SMG5: variants seen among roughly 807,000 people sequenced by gnomAD.
SMG5 encodes the protein nonsense-mediated mRNA decay factor SMG5.
A neutral mutation model predicts 122.9 loss-of-function variants in SMG5; 53 were observed. The ratio of observed to expected loss-of-function variants is 0.43; its 90% CI spans 0.35 to 0.54. The LOEUF is 0.54. Ranked by LOEUF, SMG5 falls within the 20% of genes least tolerant of loss-of-function variation. The probability of loss-of-function intolerance (pLI) is 0.01; values close to 1 mark genes in which losing one functional copy is unlikely to be tolerated. For missense variants in SMG5, 1,153 were observed against 1,285.6 expected (o/e 0.90, Z 1.58); for synonymous variants, 477 against 490.2 (o/e 0.97, Z 0.35).
At chr1:156,270,788 ACC>A in intron 7 of SMG5, among the ~76,000 whole-genome samples, 1 of 152,202 alleles carries the variant, frequency 6.6e-6, no homozygotes, top group African/African-American at 2.4e-5. Flanking sequence ...CAGGCGGATC[ACC>A]TGAGGTCGGG....
chr1:156,288,217 T>C, the SMG5 span, among the ~76,000 whole-genome samples: 1 of 147,676 alleles, frequency 6.8e-6, no homozygotes. Flanking sequence ...AAAAAAAAAA[T>C]CCTTAGGGGT....
Position 156,282,649 on chromosome 1 carries a change from C to A in SMG5, c.32G>T (p.Ser11Ile). ...GTGGAGGACTTTTGCTTCGGGCTCG[C>A]TGCTCTCCCCTGTGGGGGGGCCTTG... MSQGPPTGES[S>I]EPEAKVLHTK... is the part of the protein sequence containing the mutation. Residue 11 changes from serine (S) to isoleucine (I), a missense_variant, in exon 1 of 22, where the codon AGC (serine) becomes ATC (isoleucine). Physicochemically the swap from Ser to Ile is moderately radical, Grantham distance 142. Transcript: ENST00000361813. 6.2e-7 allele frequency: 1 copy of A among 1,607,742 alleles called. No homozygotes were observed.
intron 7 of SMG5, among the ~76,000 whole-genome samples, chr1:156,269,584 A>C (rs1013005516): frequency 6.6e-6 from 1 of 152,172 alleles, no homozygotes; most frequent in East Asian, 1.9e-4. Context: ...AAAATACAAA[A>C]AATTAGCCAG....
chr1:156,263,832 T>C (rs1199084481), intron 12 of SMG5, among the ~76,000 whole-genome samples: 1 of 152,236 alleles, frequency 6.6e-6, no homozygotes. Flanking sequence ...ATGATTCTTA[T>C]AGACTCAAGT....
At chr1:156,279,061 C>T (rs757382459) in intron 1 of SMG5, 27 bp from the exon 2 acceptor site, 1 of 1,590,372 alleles carries the variant, frequency 6.3e-7, no homozygotes, top group Non-Finnish European at 8.6e-7. Context: ...GCAAATATCC[C>T]CTCAGCCATA....
chr1:156,273,514 A>C, intron 5 of SMG5, 64 bp from the exon 6 acceptor site: 10 of 1,440,564 alleles, frequency 6.9e-6, no homozygotes, highest in South Asian at 2.4e-5. Context: ...CCTCCCCCAC[A>C]TCTGGGAGTC....
intron 7 of SMG5, among the ~76,000 whole-genome samples, chr1:156,270,876 G>C (rs1485465741): frequency 6.6e-6 from 1 of 152,076 alleles, no homozygotes; most frequent in South Asian, 2.1e-4. Flanking sequence ...GCGTTGTGGT[G>C]CATGTCTGTA....
upstream of SMG5, chr1:156,286,043 C>T (rs1479548914): frequency 4.5e-6 from 7 of 1,547,820 alleles, no homozygotes; most frequent in East Asian, 1.3e-4. Flanking sequence ...CAGGGCCTGG[C>T]TGGTGTGGGG....
chr1:156,291,324 A>C, the SMG5 span: 1 of 1,519,288 alleles, frequency 6.6e-7, no homozygotes, highest in Non-Finnish European at 9.1e-7. Context: ...CCGTCAGCCT[A>C]TTGCCAATCA....
At chr1:156,287,451 T>C (rs1018593715), upstream of SMG5, among the ~76,000 whole-genome samples, 4 of 151,944 alleles carry the variant, frequency 2.6e-5, no homozygotes, top group Non-Finnish European at 4.4e-5. Flanking sequence ...TAAAAAAATA[T>C]AGAGATGAGG....
intron 3 of SMG5, 25 bp from the exon 4 acceptor site, chr1:156,277,266 C>T (rs1434928985): frequency 1.2e-6 from 2 of 1,607,076 alleles, no homozygotes; most frequent in South Asian, 1.1e-5. Context: ...AGGGAAGGGG[C>T]TGGTTAAGCA....
At chr1:156,273,542 C>G in intron 5 of SMG5, 92 bp from the exon 6 acceptor site, 1 of 1,231,156 alleles carries the variant, frequency 8.1e-7, no homozygotes, top group East Asian at 2.5e-5. Context: ...AGAGTGGTAA[C>G]AAGAGCCTGG....
In SMG5 at chr1:156,260,526, G is replaced by T; in HGVS notation, c.2208C>A (p.Asn736Lys). 1 of 1,582,756 alleles carries T rather than the reference G, an allele frequency of 6.3e-7. No homozygotes were observed. The highest frequency in any genetic ancestry group is 8.6e-7 in the Non-Finnish European group (1 of 1,169,018). The change falls in exon 15 of 22, where the codon AAC becomes AAA. Residue 736 changes from asparagine to lysine, a missense_variant. Transcript: ENST00000361813. ...TGTGGGCAGCTCGGAGCGGGGGCAGGTTACGAAGAGCCATGTCCTCTGGGA... is the reference window on the plus strand; with the variant it reads ...TGTGGGCAGCTCGGAGCGGGGGCAGTTTACGAAGAGCCATGTCCTCTGGGA... The part of the protein sequence containing the change: ...LLLPEDMALR[N>K]LPPLRAAHRR...
chr1:156,285,677 G>C, upstream of SMG5: 1 of 1,613,716 alleles, frequency 6.2e-7, no homozygotes, highest in Non-Finnish European at 8.5e-7. Flanking sequence ...GCGCTGTGAG[G>C]CAGGCGAGGG....
In SMG5 at chr1:156,274,659, C is replaced by T; in HGVS notation, c.482G>A (p.Gly161Glu). 1 of 1,613,958 alleles carries T rather than the reference C, an allele frequency of 6.2e-7. No individual in the cohort carries two copies. The highest frequency in any genetic ancestry group is 1.1e-5 in the South Asian group (1 of 91,082). ...CATCTGTGCCCAATCCATCTCCTTC[C>T]CTGAGGCAGACACTGGCTTCTTGCA... is the stretch of plus-strand genomic sequence containing the variant. The part of the protein sequence containing the change: ...IGCKKPVSAS[G>E]KEMDWAQMAC... Residue 161 changes from glycine to glutamate, a missense_variant, in exon 5 of 22, where the codon GGG becomes GAG. Coordinates refer to ENST00000361813, the MANE Select transcript of SMG5 (RefSeq NM_015327.3).
intron 2 of SMG5, 104 bp downstream of exon 2, chr1:156,278,832 G>T: frequency 2.2e-6 from 2 of 898,770 alleles, no homozygotes; most frequent in Non-Finnish European, 1.8e-6. Context: ...GGTACCATGA[G>T]GTCAGGAGGT....
chr1:156,252,469 G>T lies in SMG5; in HGVS notation c.2698C>A (p.Pro900Thr), dbSNP rs765790107. 1 of 1,614,054 alleles carries T rather than the reference G, an allele frequency of 6.2e-7. No individual in the cohort carries two copies. Among genetic ancestry groups the T allele is most frequent in the Admixed American group, 1.7e-5 (1 of 60,012 alleles). ...DGLDLLKKEH[P>T]GARDGIRYLE... ...TACCGAATCCCATCCCGGGCCCCTG[G>T]GTGTTCCTTCTTCAGCAAATCCAGG... The change falls in exon 19 of 22, where the codon CCA becomes ACA. Residue 900 changes from proline to threonine, a missense_variant. Pro to Thr is a conservative substitution (Grantham distance 38). Around this residue, in one of 5 missense-constraint regions of SMG5, gnomAD observed 140 missense variants for 227.8 expected, o/e 0.61. Coordinates refer to ENST00000361813, the MANE Select transcript of SMG5 (RefSeq NM_015327.3).
chr1:156,266,535 T>C lies in SMG5; in HGVS notation c.1255+6A>G. 1 of 1,614,050 alleles carries C rather than the reference T, an allele frequency of 6.2e-7. No individual in the cohort carries two copies. Among genetic ancestry groups the C allele is most frequent in the Non-Finnish European group, 8.5e-7 (1 of 1,180,016 alleles). ...TCCATAGTGATGACCTCCCCGATTCTCCCACCTGTGCCATCACTCTGGAAT... is the reference window on the plus strand; with the variant it reads ...TCCATAGTGATGACCTCCCCGATTCCCCCACCTGTGCCATCACTCTGGAAT... On this transcript the variant is annotated splice_donor_region_variant and intron_variant, in intron 11 of 21. Transcript: ENST00000361813.
chr1:156,267,642 T>C lies in SMG5; in HGVS notation c.945A>G (p.Ser315=). ...VDSELTSLCQ[S]VLEDFNLCLF... ...GGCAGAGGTTGAAGTCCTCCAGGACTGACTGGCAAAGTGAGGTCAGCTCTG... is the reference window on the plus strand; with the variant it reads ...GGCAGAGGTTGAAGTCCTCCAGGACCGACTGGCAAAGTGAGGTCAGCTCTG... The change falls in exon 10 of 22, where the codon TCA becomes TCG. Residue 315 remains serine, a synonymous_variant. Coordinates refer to ENST00000361813, the MANE Select transcript of SMG5 (RefSeq NM_015327.3). The C allele has an allele frequency of 1.2e-6, 2 of 1,612,286 alleles. No individual in the cohort carries two copies. Among genetic ancestry groups the C allele is most frequent in the Non-Finnish European group, 8.5e-7 (1 of 1,179,610 alleles).
Sources: gnomAD v4.1 joint callset for allele counts (sites outside exome capture counted in the v4.1 genomes callset) on GRCh38, gnomAD v4.1.1 for gene constraint, gnomAD v4.1.1 regional missense constraint, MANE v1.5 for transcripts, NCBI Gene and HGNC (gene_info 2026-07-23, HGNC 2026-07-21) for gene names.